The following MOCOS variants were observed in gnomAD, a reference collection of about 807,000 sequenced individuals.
The protein encoded by MOCOS is human molybdenum cofactor sulfurase.
In MOCOS, 86 loss-of-function variants were observed where a neutral mutation model predicts 83.6. That is an observed-to-expected ratio of 1.03 (90% confidence interval 0.86 to 1.23). MOCOS has a LOEUF of 1.23. Ranked by LOEUF, MOCOS falls within the 50% of genes most tolerant of loss-of-function variation. The probability of loss-of-function intolerance (pLI) is 0.00; values close to 1 mark genes in which losing one functional copy is unlikely to be tolerated. For missense variants in MOCOS, 1,120 were observed against 1,126.9 expected (o/e 0.99, Z 0.09); for synonymous variants, 445 against 434.7 (o/e 1.02, Z -0.29).
chr18:36,259,582 C>T (rs1264307718), intron 12 of MOCOS, among the ~76,000 whole-genome samples: 1 of 146,944 alleles, frequency 6.8e-6, no homozygotes, highest in African/African-American at 2.5e-5. Flanking sequence ...GAGATCTCAA[C>T]ACCTGTGAAA....
rs2091346363 is a variant in MOCOS at position 36,187,611 on chromosome 18, G to A, written c.72G>A (p.Pro24=). The change falls in exon 1 of 15, where the codon CCG becomes CCA. Residue 24 remains proline, a synonymous_variant. Transcript: ENST00000261326. The part of the protein sequence containing the change: ...TFAGSRDPSA[P]RLAYGYGPGS... ...CGGGTTCCCGGGACCCGAGCGCACCGCGGCTAGCCTACGGCTACGGCCCGG... is the reference window on the plus strand; with the variant it reads ...CGGGTTCCCGGGACCCGAGCGCACCACGGCTAGCCTACGGCTACGGCCCGG... 2.4e-6 allele frequency: 3 copies of A among 1,249,936 alleles called. No homozygotes were observed. The highest frequency in any genetic ancestry group is 2.6e-4 in the Middle Eastern group (1 of 3,920). The allele number at this position is 1,249,936 out of a possible 1,614,324, so 77.4% of individuals were successfully genotyped here.
In MOCOS at chr18:36,271,869, G is replaced by A. The variant is rs1372736555; in HGVS notation, c.*3184G>A. On this transcript the variant is annotated 3_prime_UTR_variant, in exon 15 of 15. Coordinates refer to ENST00000261326, the MANE Select transcript of MOCOS (RefSeq NM_017947.4). The stretch of plus-strand genomic sequence containing the variant: ...CAGGCAGTGATATACATTTTCTGCT[G>A]TTGAAAGATGTCCGCTTATCCTTCT... 1 of 152,184 alleles carries A rather than the reference G, an allele frequency of 6.6e-6. No homozygotes were observed. The highest frequency in any genetic ancestry group is 1.5e-5 in the Non-Finnish European group (1 of 68,046). 9.4% of individuals were successfully genotyped at this position (152,184 alleles called of 1,614,324 possible).
At chr18:36,266,721 A>ACG (rs2073894266) in intron 13 of MOCOS, 28 bp from the exon 14 acceptor site, 4 of 1,596,888 alleles carry the variant, frequency 2.5e-6, no homozygotes, top group Non-Finnish European at 3.4e-6. Context: ...TTTTGTGGCA[A>ACG]CGCTGTGTTT....
intron 6 of MOCOS, among the ~76,000 whole-genome samples, chr18:36,212,567 A>G (rs953952170): frequency 2.6e-5 from 4 of 152,174 alleles, no homozygotes; most frequent in South Asian, 2.1e-4. Context: ...AGAATTGTTC[A>G]TCTGAAGCCC....
chr18:36,246,586 T>A (rs1327434126), intron 9 of MOCOS, among the ~76,000 whole-genome samples: 1 of 152,236 alleles, frequency 6.6e-6, no homozygotes, highest in African/African-American at 2.4e-5. Context: ...TTTAGTGTGC[T>A]GGTTTTAGTC....
chr18:36,238,783 G>T (rs2091569497), intron 9 of MOCOS, among the ~76,000 whole-genome samples: 1 of 117,518 alleles, frequency 8.5e-6, no homozygotes, highest in Non-Finnish European at 1.9e-5. Flanking sequence ...CTCTTTGTAG[G>T]TCACTCAGGA....
rs762586980 is a variant in MOCOS at position 36,215,815 on chromosome 18, G to A, written c.1635G>A (p.Ser545=). 45 of 1,614,072 alleles carry A rather than the reference G, an allele frequency of 2.8e-5. No homozygotes were observed. The highest frequency in any genetic ancestry group is 2.7e-4 in the East Asian group (12 of 44,894). The change falls in exon 8 of 15, where the codon TCG becomes TCA. Residue 545 remains serine, a synonymous_variant. Transcript: ENST00000261326. ...CAGGCTCCAGGGTTTGGAACAACTC[G>A]TCTACTGTGAATGCTGTGCCTGTGG... is the stretch of plus-strand genomic sequence containing the variant. ...ALTGSRVWNN[S]STVNAVPVAP... is the part of the protein sequence containing the mutation.
chr18:36,222,645 A>G (rs1429905153), intron 9 of MOCOS, among the ~76,000 whole-genome samples: 1 of 148,040 alleles, frequency 6.8e-6, no homozygotes, highest in Non-Finnish European at 1.5e-5. Context: ...TCTGTCGCCC[A>G]GGCTGGAGTA....
intron 13 of MOCOS, among the ~76,000 whole-genome samples, chr18:36,261,738 G>A (rs1287826198): frequency 6.6e-6 from 1 of 151,906 alleles, no homozygotes; most frequent in Admixed American, 6.6e-5. Flanking sequence ...CCCATCTCAG[G>A]CACTAGCCCT....
chr18:36,215,913 C>A lies in MOCOS; in HGVS notation c.1733C>A (p.Ala578Asp), dbSNP rs1223865651. 5.0e-6 allele frequency: 8 copies of A among 1,613,698 alleles called. No homozygotes were observed. Among genetic ancestry groups the A allele is most frequent in the South Asian group, 1.1e-5 (1 of 91,080 alleles). Residue 578 changes from alanine (A) to aspartate (D), a missense_variant, in exon 8 of 15, where the codon GCC (alanine) becomes GAC (aspartate). Coordinates refer to ENST00000261326, the MANE Select transcript of MOCOS (RefSeq NM_017947.4). Reference protein sequence around the residue: ...SEKAAGVLEGALGPHVVTNLY... With the variant: ...SEKAAGVLEGDLGPHVVTNLY... ...AAAGCTGCAGGAGTCCTGGAGGGGG[C>A]CCTTGGGCCACATGTTGTCACTAAC...
At chr18:36,193,371 CAG>C (rs1346562920) in intron 1 of MOCOS, among the ~76,000 whole-genome samples, 1 of 113,304 alleles carries the variant, frequency 8.8e-6, no homozygotes, top group Non-Finnish European at 1.8e-5. Context: ...AGAATGAGGA[CAG>C]TGTGATATTG....
intron 13 of MOCOS, among the ~76,000 whole-genome samples, chr18:36,266,144 C>T (rs2091681019): frequency 6.6e-6 from 1 of 151,974 alleles, no homozygotes. Flanking sequence ...TCTGCGACCT[C>T]CTCCTCCTCT....
rs1347408705 is a variant in MOCOS, at chr18:36,205,085, G to C, written c.1027G>C (p.Glu343Gln). 5.6e-6 allele frequency: 9 copies of C among 1,611,968 alleles called. No homozygotes were observed. The highest frequency in any genetic ancestry group is 7.6e-6 in the Non-Finnish European group (9 of 1,178,426). Reference sequence around the variant, plus strand: ...TTCATGATTGATTTGAGGTGGAATGGAGAATATAAAGCAGCACACCTTCAC... The same window carrying C: ...TTCATGATTGATTTGAGGTGGAATGCAGAATATAAAGCAGCACACCTTCAC... ...DTLERLTGGM[E>Q]NIKQHTFTLA... The change falls in exon 6 of 15, where the codon GAG becomes CAG. Residue 343 changes from glutamate (E) to glutamine (Q), a missense_variant. Coordinates refer to ENST00000261326, the MANE Select transcript of MOCOS (RefSeq NM_017947.4).
At chr18:36,192,331 A>G (rs2091369030) in intron 1 of MOCOS, among the ~76,000 whole-genome samples, 2 of 152,274 alleles carry the variant, frequency 1.3e-5, no homozygotes, top group South Asian at 4.1e-4. Context: ...TACTATGAAA[A>G]TGAAATTAGA....
At chr18:36,268,200 A>G (rs953145069) in intron 14 of MOCOS, among the ~76,000 whole-genome samples, 3 of 152,216 alleles carry the variant, frequency 2.0e-5, no homozygotes, top group African/African-American at 4.8e-5. Context: ...AGCAAACAGG[A>G]AATGGGCCTG....
At chr18:36,225,464 C>G (rs1417844857) in intron 9 of MOCOS, among the ~76,000 whole-genome samples, 1 of 152,136 alleles carries the variant, frequency 6.6e-6, no homozygotes, top group Admixed American at 6.6e-5. Flanking sequence ...TTCTATTTTT[C>G]TTAGTCTAGA....
In MOCOS at chr18:36,260,025, TG is replaced by T. The variant is rs1381109687; in HGVS notation, c.2271-11del. 1 of 1,614,206 alleles carries T rather than the reference TG, an allele frequency of 6.2e-7. No homozygotes were observed. The highest frequency in any genetic ancestry group is 1.3e-5 in the African/African-American group (1 of 75,076). ...CCTCCCCCTACTTACTCTTTTTGGTTGCTTTAATCAGTGATGAGAATGGAAA... is the reference window on the plus strand; with the variant it reads ...CCTCCCCCTACTTACTCTTTTTGGTTCTTTAATCAGTGATGAGAATGGAAA... On this transcript the variant is annotated splice_polypyrimidine_tract_variant and intron_variant, in intron 12 of 14. Coordinates refer to ENST00000261326, the MANE Select transcript of MOCOS (RefSeq NM_017947.4).
rs769839991 is a variant in MOCOS at position 36,215,538 on chromosome 18, A to G, written c.1358A>G (p.Asn453Ser). ...HFQAGHVCGD[N>S]MDLIDGQPTG... ...TAGGCTGGTCATGTCTGTGGGGACA[A>G]TATGGACCTCATAGATGGGCAGCCC... The change falls in exon 8 of 15, where the codon AAT becomes AGT. Residue 453 changes from asparagine (N) to serine (S), a missense_variant. Transcript: ENST00000261326. 4.2e-5 allele frequency: 68 copies of G among 1,613,954 alleles called. No individual in the cohort carries two copies. In the Middle Eastern group the frequency reaches 1.3e-3, roughly 31 times the overall value.
At chr18:36,211,642 G>C (rs1018913586) in intron 6 of MOCOS, among the ~76,000 whole-genome samples, 2 of 152,100 alleles carry the variant, frequency 1.3e-5, no homozygotes, top group Admixed American at 6.5e-5. Flanking sequence ...GCTGGGCACA[G>C]TCTGGGCCTG....
Sources: allele counts gnomAD v4.1 joint callset (sites outside exome capture counted in the v4.1 genomes callset), GRCh38; gene constraint gnomAD v4.1.1; transcripts MANE v1.5; gene names NCBI Gene and HGNC (gene_info 2026-07-23, HGNC 2026-07-21).